The following DOP1B variants were observed in gnomAD, a reference collection of about 807,000 sequenced individuals.
DOP1B encodes the protein protein DOP1B.
In DOP1B, 174 loss-of-function variants were observed where a neutral mutation model predicts 233.5. The observed-to-expected ratio is 0.75, with a 90% CI of 0.66 to 0.85. DOP1B has a LOEUF of 0.85. Among genes scored for constraint, DOP1B ranks in the 40% least tolerant of loss-of-function variants. The pLI is 0.00. For synonymous variants in DOP1B, 1,190 were observed against 1,185.6 expected (o/e 1.00, Z -0.08); for missense variants, 2,652 against 2,846.6 (o/e 0.93, Z 1.56).
intron 2 of DOP1B, among the ~76,000 whole-genome samples, chr21:36,186,785 T>C (rs1663677905): frequency 1.3e-5 from 2 of 152,086 alleles, no homozygotes; most frequent in African/African-American, 4.8e-5. Flanking sequence ...GGCTGAATGG[T>C]GCTGACTTTG....
chr21:36,280,857 C>T (rs1048538570), intron 31 of DOP1B, among the ~76,000 whole-genome samples: 33 of 151,938 alleles, frequency 2.2e-4, no homozygotes, highest in Non-Finnish European at 4.9e-4. Context: ...CAAAAAATAG[C>T]CAGGCATAGT....
intron 30 of DOP1B, among the ~76,000 whole-genome samples, chr21:36,279,494 A>G (rs979543654): frequency 1.3e-5 from 2 of 152,182 alleles, no homozygotes; most frequent in Non-Finnish European, 2.9e-5. Context: ...GATAGAGGGT[A>G]GAGATTGGGA....
chr21:36,187,227 T>TCCCC (rs1569008102), intron 2 of DOP1B, among the ~76,000 whole-genome samples: 1 of 143,778 alleles, frequency 7.0e-6, no homozygotes, highest in Non-Finnish European at 1.5e-5. Context: ...CTCCCCTCCC[T>TCCCC]TCCCGGGGGA....
At chr21:36,292,258 T>A (rs780520332) in intron 36 of DOP1B, 25 bp downstream of exon 36, 2 of 1,072,140 alleles carry the variant, frequency 1.9e-6, no homozygotes, top group Non-Finnish European at 2.5e-6. Context: ...TTTCTTTTCT[T>A]TTTTTTTTTT....
At chr21:36,223,982 A>G (rs1335663106) in intron 11 of DOP1B, among the ~76,000 whole-genome samples, 1 of 151,962 alleles carries the variant, frequency 6.6e-6, no homozygotes, top group African/African-American at 2.4e-5. Flanking sequence ...CTCCACTGTA[A>G]TGCTCTTGGC....
At chr21:36,260,284 AAAG>A in intron 23 of DOP1B, among the ~76,000 whole-genome samples, 1 of 151,682 alleles carries the variant, frequency 6.6e-6, no homozygotes, top group African/African-American at 2.4e-5. Flanking sequence ...AGAAAGAAAG[AAAG>A]AAAGAAAGAA....
rs1364265297 is a variant in DOP1B, at chr21:36,225,609, C to G, written c.1415C>G (p.Pro472Arg). ...AGCGTGAGGAACAGCGTCAGCCCTC[C>G]CCCCACGGTCTCGGAGCTCTGCGCC... ...RYSVRNSVSP[P>R]PTVSELCALL... The change falls in exon 12 of 37, where the codon CCC becomes CGC. Residue 472 changes from proline to arginine, a missense_variant. By Grantham distance (103) the Pro-to-Arg change is moderately radical. This residue lies in a region of DOP1B where 2,617 missense variants were observed against 2,794.3 expected (regional missense o/e 0.94). Transcript: ENST00000691173. 1 of 1,614,142 alleles carries G rather than the reference C, an allele frequency of 6.2e-7. No individual in the cohort carries two copies. Among genetic ancestry groups the G allele is most frequent in the Non-Finnish European group, 8.5e-7 (1 of 1,180,030 alleles).
In DOP1B at chr21:36,233,069, C is replaced by A; in HGVS notation, c.2616C>A (p.Phe872Leu). The A allele has an allele frequency of 6.2e-7, 1 of 1,613,958 alleles. No homozygotes were observed. Among genetic ancestry groups the A allele is most frequent in the Non-Finnish European group, 8.5e-7 (1 of 1,179,922 alleles). ...ILKVIAEKTDFYQRVARVLWN... is the reference protein window; with the variant it reads ...ILKVIAEKTDLYQRVARVLWN... ...AAGTCATTGCAGAGAAAACAGATTT[C>A]TATCAGGTATTTCCCACTGGGAACA... Residue 872 changes from phenylalanine to leucine, a missense_variant, in exon 15 of 37, where the codon TTC becomes TTA. Physicochemically the swap from Phe to Leu is conservative, Grantham distance 22 (BLOSUM62 0). Transcript: ENST00000691173.
chr21:36,189,925 G>T (rs976002416), intron 2 of DOP1B, among the ~76,000 whole-genome samples: 7 of 148,848 alleles, frequency 4.7e-5, no homozygotes, highest in Admixed American at 1.4e-4. Flanking sequence ...CAGGAGAATC[G>T]CTGGAACCTG....
Position 36,237,303 on chromosome 21 carries a change from C to T in DOP1B, c.2664C>T (p.Thr888=). The change falls in exon 16 of 37, where the codon ACC becomes ACT. Residue 888 remains threonine, a synonymous_variant. Coordinates refer to ENST00000691173, the MANE Select transcript of DOP1B (RefSeq NM_001320714.2). Reference sequence around the variant, plus strand: ...TTTGGAATCAGCTGAACAAAGAGACCCGGGAGCATCACGTCACCTGCGTAG... The same window carrying T: ...TTTGGAATCAGCTGAACAAAGAGACTCGGGAGCATCACGTCACCTGCGTAG... The part of the protein sequence containing the change: ...RVLWNQLNKE[T]REHHVTCVEL... 1 of 1,614,080 alleles carries T rather than the reference C, an allele frequency of 6.2e-7. No individual in the cohort carries two copies. The highest frequency in any genetic ancestry group is 8.5e-7 in the Non-Finnish European group (1 of 1,180,018).
rs538016861 is a variant in DOP1B, at chr21:36,163,965, T to G, written c.-26-743T>G. Among the ~76,000 whole-genome samples the G allele has an allele frequency of 3.9e-5, 6 of 152,324 alleles. No homozygotes were observed. In the South Asian group the frequency reaches 1.2e-3, roughly 32 times the overall value. ...AGAGGAAGAAAGGAGGACAAAAGGC[T>G]TATGCCAGGAAGTCTGCCTCCTTTC... On this transcript the variant is annotated intron_variant, in intron 1 of 36. Coordinates refer to ENST00000691173, the MANE Select transcript of DOP1B (RefSeq NM_001320714.2).
chr21:36,234,564 T>C (rs78062622), intron 15 of DOP1B, among the ~76,000 whole-genome samples: 1 of 152,034 alleles, frequency 6.6e-6, no homozygotes, highest in Non-Finnish European at 1.5e-5. Flanking sequence ...TTTTTTTTTT[T>C]CCTTGAGACA....
At chr21:36,271,523 C>A (rs1209855698) in intron 27 of DOP1B, among the ~76,000 whole-genome samples, 1 of 152,010 alleles carries the variant, frequency 6.6e-6, no homozygotes, top group African/African-American at 2.4e-5. Context: ...CCACCCACCT[C>A]GGCCTCCCAA....
At position 36,261,526 on chromosome 21, in the gene DOP1B, T is replaced by C. The variant is rs188521407; in HGVS notation, c.5315+794T>C. The C allele has an allele frequency of 2.2e-4, 220 of 985,442 alleles. No homozygotes were observed. In the African/African-American group the frequency reaches 3.6e-3, roughly 16 times the overall value. 61.0% of individuals were successfully genotyped at this position (985,442 alleles called of 1,614,324 possible). ...CATTAAAGGGGATTCCGCAGGTTTT[T>C]CCCCATGGATGAAAAAGAAGCTTTA... On this transcript the variant is annotated intron_variant, in intron 24 of 36. Coordinates refer to ENST00000691173, the MANE Select transcript of DOP1B (RefSeq NM_001320714.2).
intron 2 of DOP1B, among the ~76,000 whole-genome samples, chr21:36,192,924 C>CA (rs1167462005): frequency 2.6e-5 from 4 of 151,636 alleles, no homozygotes; most frequent in Non-Finnish European, 5.9e-5. Context: ...CTCCTGACCT[C>CA]TGATCTGCCC....
chr21:36,231,844 ATTT>A lies in DOP1B; in HGVS notation c.2350+728_2350+730del, dbSNP rs35336231. On this transcript the variant is annotated intron_variant, in intron 14 of 36. Coordinates refer to ENST00000691173, the MANE Select transcript of DOP1B (RefSeq NM_001320714.2). ...AGGCACGTGCCACTACGCCCAGCTA[ATTT>A]TTTTTTTTTTTTTTTTTGAGACAGC... Among the ~76,000 whole-genome samples, 123 of 119,898 alleles carry A rather than the reference ATTT, an allele frequency of 1.0e-3. 1 individual carries two copies. Among genetic ancestry groups the A allele is most frequent in the Non-Finnish European group, 9.9e-4 (58 of 58,848 alleles). The allele number at this position is 119,898 out of a possible 152,430, so 78.7% of individuals were successfully genotyped here.
rs774065339 is a variant in DOP1B, at chr21:36,280,282, C to T, written c.5970-3C>T. Reference sequence around the variant, plus strand: ...AATTGATTTTGCTTTCTTTAATATCCAGTTGGAAGTCCATTATTGACCATC... The same window carrying T: ...AATTGATTTTGCTTTCTTTAATATCTAGTTGGAAGTCCATTATTGACCATC... On this transcript the variant is annotated splice_region_variant and splice_polypyrimidine_tract_variant and intron_variant, in intron 30 of 36. Coordinates refer to ENST00000691173, the MANE Select transcript of DOP1B (RefSeq NM_001320714.2). 1.9e-6 allele frequency: 3 copies of T among 1,597,140 alleles called. No homozygotes were observed. The highest frequency in any genetic ancestry group is 1.7e-5 in the Admixed American group (1 of 58,034).
At chr21:36,236,802 A>T (rs1601436173) in intron 15 of DOP1B, among the ~76,000 whole-genome samples, 1 of 123,130 alleles carries the variant, frequency 8.1e-6, no homozygotes, top group Non-Finnish European at 1.6e-5. Flanking sequence ...TTTGAGACAG[A>T]GTCTCACTCT....
chr21:36,291,263 AC>A (rs2067555008), intron 35 of DOP1B, among the ~76,000 whole-genome samples: 1 of 150,930 alleles, frequency 6.6e-6, no homozygotes, highest in Non-Finnish European at 1.5e-5. Context: ...TGCATCTCAA[AC>A]CAAAAAAAAG....
Sources: allele counts gnomAD v4.1 joint callset (sites outside exome capture counted in the v4.1 genomes callset), GRCh38; gene constraint gnomAD v4.1.1; regional missense constraint gnomAD v4.1.1; transcripts MANE v1.5; gene names NCBI Gene and HGNC (gene_info 2026-07-23, HGNC 2026-07-21).